The following NUP93 variants were observed in gnomAD, a reference collection of about 807,000 sequenced individuals.
NUP93 encodes the protein nucleoporin 93.
Under a neutral mutation model 107.8 loss-of-function variants are expected in NUP93, and 55 were observed. The observed-to-expected ratio is 0.51, with a 90% CI of 0.41 to 0.64. The LOEUF (loss-of-function observed/expected upper bound fraction) is 0.64. Among genes scored for constraint, NUP93 ranks in the 30% least tolerant of loss-of-function variants. NUP93 has a pLI of 0.00. For missense variants in NUP93, 937 were observed against 1,044.7 expected, an observed-to-expected ratio of 0.90 and a Z score of 1.42; for synonymous variants, 390 against 397.5, an observed-to-expected ratio of 0.98 and a Z score of 0.22.
At chr16:56,834,468 C>G in intron 15 of NUP93, 26 bp downstream of exon 15, 1 of 1,610,654 alleles carries the variant, frequency 6.2e-7, no homozygotes. Flanking sequence ...TTTCTCTCCT[C>G]CCCATGGTTT....
rs147536144 is a variant in NUP93 at position 56,733,969 on chromosome 16, T to C, written c.-15+3758T>C. On this transcript the variant is annotated intron_variant, in intron 1 of 21. Coordinates refer to ENST00000308159, the MANE Select transcript of NUP93 (RefSeq NM_014669.5). Reference sequence around the variant, plus strand: ...TGATCTGTTAGGTACACCAAAGTTATAGTCTTCTCTTCCTTCCTTCATTCA... The same window carrying C: ...TGATCTGTTAGGTACACCAAAGTTACAGTCTTCTCTTCCTTCCTTCATTCA... Among the ~76,000 whole-genome samples the C allele has an allele frequency of 3.9e-3, 595 of 152,366 alleles. 5 individuals carry two copies. The highest frequency in any genetic ancestry group is 0.013 in the African/African-American group (549 of 41,590).
At position 56,827,069 on chromosome 16, in the gene NUP93, A is replaced by AAAAAAAAAAAAAAAAAAAAAAAT. The variant is rs1430722800; in HGVS notation, c.795-1908_795-1907insAAAAAAAAAAAAAAAAAAAAAAT. On this transcript the variant is annotated intron_variant, in intron 8 of 21. Transcript: ENST00000308159. ...CAAAAAAAAAAAAAAAAAAAAAAAAATTTTGTTGAGTCTGTTTCCTGTTAT... is the reference window on the plus strand; with the variant it reads ...CAAAAAAAAAAAAAAAAAAAAAAAAAAAAAAAAAAAAAAAAAAAAAAATTTTTGTTGAGTCTGTTTCCTGTTAT... 8.3e-4 allele frequency among the ~76,000 whole-genome samples: 104 copies of AAAAAAAAAAAAAAAAAAAAAAAT among 125,608 alleles called. 9 individuals carry two copies. The highest frequency in any genetic ancestry group is 1.2e-3 in the Non-Finnish European group (68 of 58,974). The allele number at this position is 125,608 out of a possible 152,430, so 82.4% of individuals were successfully genotyped here. A position where few individuals can be genotyped will look rare whatever the true frequency, so the allele number is the denominator to read the frequency against.
At chr16:56,738,025 G>A (rs1464734785) in intron 1 of NUP93, among the ~76,000 whole-genome samples, 1 of 152,244 alleles carries the variant, frequency 6.6e-6, no homozygotes, top group African/African-American at 2.4e-5. Context: ...GACAGAACTA[G>A]TATCATTCCT....
chr16:56,756,342 G>A (rs541876987), intron 2 of NUP93, among the ~76,000 whole-genome samples: 25 of 117,252 alleles, frequency 2.1e-4, no homozygotes, highest in African/African-American at 6.5e-4. Flanking sequence ...TCCCCTCCCC[G>A]TGTCCATGTG....
intron 3 of NUP93, among the ~76,000 whole-genome samples, chr16:56,762,859 C>A (rs1191446830): frequency 1.3e-5 from 2 of 152,122 alleles, no homozygotes; most frequent in African/African-American, 4.8e-5. Flanking sequence ...TATCTTCGGT[C>A]TCTTCCTCCA....
intron 21 of NUP93, 41 bp from the exon 22 acceptor site, chr16:56,844,458 A>G (rs1259473499): frequency 8.0e-7 from 1 of 1,257,090 alleles, no homozygotes; most frequent in Admixed American, 2.6e-5. Context: ...CCTGACTCGA[A>G]AGTTAACCGA....
chr16:56,794,421 G>T (rs113948025), intron 3 of NUP93, among the ~76,000 whole-genome samples: 1,551 of 149,126 alleles, frequency 0.01, 18 homozygotes, highest in Admixed American at 0.034. Flanking sequence ...AAAGACCAGA[G>T]TAATCTATCC....
chr16:56,829,711 G>C (rs1446737658), intron 9 of NUP93, among the ~76,000 whole-genome samples: 1 of 152,228 alleles, frequency 6.6e-6, no homozygotes, highest in Non-Finnish European at 1.5e-5. Flanking sequence ...GCAGGAGAGA[G>C]TATCGGGAGG....
intron 8 of NUP93, among the ~76,000 whole-genome samples, chr16:56,827,422 GT>G (rs1255984229): frequency 1.3e-5 from 2 of 152,202 alleles, no homozygotes; most frequent in African/African-American, 4.8e-5. Context: ...AAGATTGTTG[GT>G]GAATAGAATA....
At chr16:56,731,876 G>A (rs963776848) in intron 1 of NUP93, among the ~76,000 whole-genome samples, 1 of 151,638 alleles carries the variant, frequency 6.6e-6, no homozygotes, top group Non-Finnish European at 1.5e-5. Flanking sequence ...CTGTCAGATC[G>A]TATCATTCCT....
At chr16:56,840,945 C>T (rs2007432) in intron 20 of NUP93, among the ~76,000 whole-genome samples, 63,798 of 150,944 alleles carry the variant, frequency 0.42, 13,606 homozygotes, top group East Asian at 0.62. Flanking sequence ...TGCAGTGAGC[C>T]GAGATTGCGC....
At chr16:56,783,308 TA>T (rs1184129092) in intron 3 of NUP93, 143 of 178,430 alleles carry the variant, frequency 8.0e-4, no homozygotes, top group Non-Finnish European at 1.2e-3. Flanking sequence ...CTCTTAACAA[TA>T]GGAAGACTTG....
intron 3 of NUP93, among the ~76,000 whole-genome samples, chr16:56,776,356 C>T (rs569979077): frequency 1.2e-4 from 18 of 151,980 alleles, no homozygotes; most frequent in Non-Finnish European, 2.4e-4. Flanking sequence ...GATAGTAGCA[C>T]AAATAATAAA....
At chr16:56,808,638 ATATAAATATATAAAAATACATATATT>A (rs1963233299) in intron 5 of NUP93, among the ~76,000 whole-genome samples, 1 of 136,610 alleles carries the variant, frequency 7.3e-6, no homozygotes, top group Admixed American at 7.6e-5. Context: ...AAATACATTT[ATATAAATATATAAAAATACATATATT>A]TATAAATATA....
intron 1 of NUP93, among the ~76,000 whole-genome samples, chr16:56,743,689 C>T (rs371941368): frequency 3.3e-5 from 5 of 152,122 alleles, no homozygotes; most frequent in Admixed American, 1.3e-4. Context: ...TATCAACCAA[C>T]GGTTAGATCA....
In NUP93 at chr16:56,741,654, TTGTC is replaced by T. The variant is rs145215712; in HGVS notation, c.-14-6579_-14-6576del. On this transcript the variant is annotated intron_variant, in intron 1 of 21. Transcript: ENST00000308159. ...TAAAATAATCAAAAAAGGAAGATCA[TTGTC>T]AGTTGTACATTTGGAAGAAAGGATA... 486 of 152,338 alleles carry T rather than the reference TTGTC, an allele frequency of 3.2e-3. 4 individuals are homozygous for T. The highest frequency in any genetic ancestry group is 0.011 in the African/African-American group (450 of 41,582). 9.4% of individuals were successfully genotyped at this position (152,338 alleles called of 1,614,324 possible). A position where few individuals can be genotyped will look rare whatever the true frequency, so the allele number is the denominator to read the frequency against.
chr16:56,778,088 C>T (rs574085542), intron 3 of NUP93, among the ~76,000 whole-genome samples: 1 of 152,312 alleles, frequency 6.6e-6, no homozygotes, highest in African/African-American at 2.4e-5. Flanking sequence ...ACTGTCCAAG[C>T]TGTGAAAAGT....
chr16:56,758,088 G>A (rs1419920656), intron 2 of NUP93, among the ~76,000 whole-genome samples: 1 of 151,834 alleles, frequency 6.6e-6, no homozygotes, highest in Non-Finnish European at 1.5e-5. Flanking sequence ...AAAAAAAGTT[G>A]GGGGGAGCTT....
chr16:56,738,749 A>G (rs1211731649), intron 1 of NUP93, among the ~76,000 whole-genome samples: 2 of 152,176 alleles, frequency 1.3e-5, no homozygotes, highest in African/African-American at 4.8e-5. Context: ...TAGTTTATGT[A>G]TTCAAAAGAG....
Sources: gnomAD v4.1 joint callset for allele counts (sites outside exome capture counted in the v4.1 genomes callset) on GRCh38, gnomAD v4.1.1 for gene constraint, MANE v1.5 for transcripts, NCBI Gene and HGNC (gene_info 2026-07-23, HGNC 2026-07-21) for gene names.